The following CYP2A13 variants were observed in gnomAD, a reference collection of about 807,000 sequenced individuals.
The protein encoded by CYP2A13 is cytochrome P450 2A13.
A neutral mutation model predicts 39.4 loss-of-function variants in CYP2A13; 30 were observed. The observed-to-expected ratio is 0.76, with a 90% CI of 0.57 to 1.03. The LOEUF is 1.03. Among genes scored for constraint, CYP2A13 ranks in the 50% least tolerant of loss-of-function variants. The pLI is 0.00. For missense variants in CYP2A13, 731 were observed against 648.4 expected (o/e 1.13, Z -1.38); for synonymous variants, 269 against 254.7 (o/e 1.06, Z -0.54).
intron 6 of CYP2A13, 56 bp downstream of exon 6, chr19:41,093,827 G>T (rs2031242524): frequency 1.3e-6 from 2 of 1,594,070 alleles, no homozygotes; most frequent in South Asian, 2.3e-5. Flanking sequence ...ACTCCCCTGA[G>T]CCTGGTGCAG....
In CYP2A13 at chr19:41,093,774, A is replaced by T; in HGVS notation, c.973+3A>T. ...CATGAAGCACCCAGAGGTGGAGGGT[A>T]AGACTGGAAAGGGAGGAAAGTGAAG... is the stretch of plus-strand genomic sequence containing the variant. On this transcript the variant is annotated splice_donor_region_variant and intron_variant, in intron 6 of 8. Transcript: ENST00000330436. The T allele has an allele frequency of 6.2e-7, 1 of 1,613,738 alleles. No individual in the cohort carries two copies. Among genetic ancestry groups the T allele is most frequent in the Non-Finnish European group, 8.5e-7 (1 of 1,179,822 alleles).
At chr19:41,091,968 G>A in intron 5 of CYP2A13, 60 bp downstream of exon 5, 1 of 1,598,872 alleles carries the variant, frequency 6.3e-7, no homozygotes. Flanking sequence ...ATCAGGATGG[G>A]AGTGGGGTGG....
In CYP2A13 at chr19:41,094,183, T is replaced by C. The variant is rs374782747; in HGVS notation, c.974-62T>C. 109 of 1,589,674 alleles carry C rather than the reference T, an allele frequency of 6.9e-5. 2 individuals are homozygous for C. The East Asian group carries it at 9.2e-4, about 13-fold the overall frequency. ...ATGTCAACCACCGTGTTTTACCTAT[T>C]CGGACTATCATCCCTGCTCTAAGAC... On this transcript the variant is annotated intron_variant, in intron 6 of 8. Transcript: ENST00000330436.
intron 8 of CYP2A13, among the ~76,000 whole-genome samples, 171 bp from the exon 9 acceptor site, chr19:41,095,589 T>A (rs1267708779): frequency 1.3e-5 from 2 of 152,150 alleles, no homozygotes; most frequent in Non-Finnish European, 2.9e-5. Context: ...CATTGTTATA[T>A]CTCTTATAGA....
chr19:41,089,650 C>T lies in CYP2A13; in HGVS notation c.344-397C>T, dbSNP rs138736557. Among the ~76,000 whole-genome samples, 777 of 151,828 alleles carry T rather than the reference C, an allele frequency of 5.1e-3. 8 individuals are homozygous for T. Among genetic ancestry groups the T allele is most frequent in the Middle Eastern group, 0.031 (9 of 294 alleles). On this transcript the variant is annotated intron_variant, in intron 2 of 8. Coordinates refer to ENST00000330436, the MANE Select transcript of CYP2A13 (RefSeq NM_000766.5). ...CCATTTTTATTTCCTCCTCCCAGAT[C>T]TCCCCATATCTCACTTCCCCTCCCT...
At chr19:41,091,030 C>T (rs1407126382) in intron 4 of CYP2A13, among the ~76,000 whole-genome samples, 4 of 152,208 alleles carry the variant, frequency 2.6e-5, no homozygotes, top group African/African-American at 9.7e-5. Flanking sequence ...ACTGGAATAT[C>T]TGGCCAAGGG....
Position 41,091,882 on chromosome 19 carries a change from G to A in CYP2A13, c.805G>A (p.Asp269Asn), listed in dbSNP as rs760027894. The A allele has an allele frequency of 8.1e-6, 13 of 1,614,042 alleles. No homozygotes were observed. The highest frequency in any genetic ancestry group is 4.0e-5 in the African/African-American group (3 of 74,920). ...LDPNSPRDFI[D>N]SFLIRMQEEE... ...TCCCAATTCCCCACGGGACTTCATCGACTCCTTTCTCATCCGCATGCAGGA... is the reference window on the plus strand; with the variant it reads ...TCCCAATTCCCCACGGGACTTCATCAACTCCTTTCTCATCCGCATGCAGGA... The change falls in exon 5 of 9, where the codon GAC becomes AAC. Residue 269 changes from aspartate (D) to asparagine (N), a missense_variant. Physicochemically the swap from Asp to Asn is conservative, Grantham distance 23. Transcript: ENST00000330436.
At chr19:41,090,918 G>A (rs199610404) in intron 4 of CYP2A13, among the ~76,000 whole-genome samples, 342 of 152,220 alleles carry the variant, frequency 2.2e-3, no homozygotes, top group African/African-American at 7.9e-3. Flanking sequence ...ACCTGGACAA[G>A]TGACTGCGTC....
rs185552988 is a variant in CYP2A13 at position 41,092,220 on chromosome 19, A to G, written c.831+312A>G. 4.3e-3 allele frequency among the ~76,000 whole-genome samples: 651 copies of G among 150,160 alleles called. 5 individuals are homozygous for G. Among genetic ancestry groups the G allele is most frequent in the Non-Finnish European group, 7.3e-3 (493 of 67,664 alleles). ...AATCCCAGCTACTCAGGAGGCTGAG[A>G]CAGAAGAATTGTTTGAATCCGGGAG... On this transcript the variant is annotated intron_variant, in intron 5 of 8. Transcript: ENST00000330436.
intron 8 of CYP2A13, 40 bp from the exon 9 acceptor site, chr19:41,095,720 A>T: frequency 6.2e-7 from 1 of 1,610,796 alleles, no homozygotes; most frequent in Non-Finnish European, 8.5e-7. Context: ...CTGCACTGAG[A>T]GTGGGCTTCA....
In CYP2A13 at chr19:41,094,396, C is replaced by A; in HGVS notation, c.1125C>A (p.Asn375Lys). Residue 375 changes from asparagine to lysine, a missense_variant, in exon 7 of 9, where the codon AAC becomes AAA. Physicochemically the swap from Asn to Lys is moderately conservative, Grantham distance 94 (BLOSUM62 0). Coordinates refer to ENST00000330436, the MANE Select transcript of CYP2A13 (RefSeq NM_000766.5). ...MLPMGLAHRVNKDTKFRDFFL... is the reference protein window; with the variant it reads ...MLPMGLAHRVKKDTKFRDFFL... ...CCATGGGTTTGGCCCACAGGGTCAA[C>A]AAGGACACCAAGTTTCGGGATTTCT... 6.2e-7 allele frequency: 1 copy of A among 1,614,120 alleles called. No homozygotes were observed. The highest frequency in any genetic ancestry group is 1.1e-5 in the South Asian group (1 of 91,076).
intron 2 of CYP2A13, among the ~76,000 whole-genome samples, chr19:41,089,401 G>C (rs2031117864): frequency 6.6e-6 from 1 of 151,936 alleles, no homozygotes; most frequent in Non-Finnish European, 1.5e-5. Context: ...CTGGTCCTCT[G>C]TCTTCATTTG....
In CYP2A13 at chr19:41,089,964, C is replaced by T. The variant is rs554686517; in HGVS notation, c.344-83C>T. On this transcript the variant is annotated intron_variant, in intron 2 of 8. Transcript: ENST00000330436. ...CCCACCCCACTCCCTCTCTGCTCCA[C>T]CCTTGGGGAGCCCCTTGGAGCTGGT... The T allele has an allele frequency of 6.7e-5, 99 of 1,472,744 alleles. No individual in the cohort carries two copies. In the Middle Eastern group the frequency reaches 1.5e-3, roughly 22 times the overall value. The allele number at this position is 1,472,744 out of a possible 1,614,324, so 91.2% of individuals were successfully genotyped here.
intron 8 of CYP2A13, among the ~76,000 whole-genome samples, chr19:41,095,418 C>T (rs2031283214): frequency 6.6e-6 from 1 of 152,080 alleles, no homozygotes; most frequent in Non-Finnish European, 1.5e-5. Context: ...GGGGTAGGGG[C>T]ATCTAAACCT....
At chr19:41,089,144 G>A (rs921035676) in intron 2 of CYP2A13, 53 bp downstream of exon 2, 35 of 1,606,700 alleles carry the variant, frequency 2.2e-5, no homozygotes, top group African/African-American at 1.2e-4. Context: ...AATGGTCTCC[G>A]TGTCCCCAGC....
chr19:41,088,877 C>G, intron 1 of CYP2A13, 52 bp from the exon 2 acceptor site: 1 of 1,607,294 alleles, frequency 6.2e-7, no homozygotes, highest in East Asian at 2.2e-5. Flanking sequence ...AGTGCTGGGC[C>G]CATTCAGAGT....
chr19:41,088,657 C>T lies in CYP2A13; in HGVS notation c.180+6C>T. 2 of 1,611,088 alleles carry T rather than the reference C, an allele frequency of 1.2e-6. No individual in the cohort carries two copies. Among genetic ancestry groups the T allele is most frequent in the Non-Finnish European group, 1.7e-6 (2 of 1,177,964 alleles). On this transcript the variant is annotated splice_donor_region_variant and intron_variant, in intron 1 of 8. Coordinates refer to ENST00000330436, the MANE Select transcript of CYP2A13 (RefSeq NM_000766.5). Reference sequence around the variant, plus strand: ...TGTACAACTCCCTCATGAAGGTGTCCTAAGGCAGGGAGATGGGTGGCACGG... The same window carrying T: ...TGTACAACTCCCTCATGAAGGTGTCTTAAGGCAGGGAGATGGGTGGCACGG...
At chr19:41,092,043 G>T in intron 5 of CYP2A13, 135 bp downstream of exon 5, 1 of 1,358,218 alleles carries the variant, frequency 7.4e-7, no homozygotes, top group Non-Finnish European at 9.9e-7. Flanking sequence ...GGCCAGGCGC[G>T]GTGGCTCATG....
In CYP2A13 at chr19:41,094,241, C is replaced by A. The variant is rs1451435777; in HGVS notation, c.974-4C>A. 4 of 1,613,536 alleles carry A rather than the reference C, an allele frequency of 2.5e-6. No individual in the cohort carries two copies. The highest frequency in any genetic ancestry group is 2.5e-6 in the Non-Finnish European group (3 of 1,179,690). ...CACCTAAACACATTCCCCTCCTCCCCCAGCCAAGGTCCATGAGGAGATTGA... is the reference window on the plus strand; with the variant it reads ...CACCTAAACACATTCCCCTCCTCCCACAGCCAAGGTCCATGAGGAGATTGA... On this transcript the variant is annotated splice_polypyrimidine_tract_variant and splice_region_variant and intron_variant, in intron 6 of 8. Transcript: ENST00000330436.
Sources: allele counts gnomAD v4.1 joint callset (sites outside exome capture counted in the v4.1 genomes callset), GRCh38; gene constraint gnomAD v4.1.1; transcripts MANE v1.5; gene names NCBI Gene and HGNC (gene_info 2026-07-23, HGNC 2026-07-21).